Variants in ANTXR1 observed in about 807,000 individuals in gnomAD.
ANTXR1 encodes the protein anthrax toxin receptor 1.
In ANTXR1, 19 loss-of-function variants were observed where a neutral mutation model predicts 78.1. That is an observed-to-expected ratio of 0.24 (90% confidence interval 0.17 to 0.36). The LOEUF is 0.36. Ranked by LOEUF, ANTXR1 falls within the 10% of genes least tolerant of loss-of-function variation. The pLI is 1.00. For missense variants in ANTXR1, 518 were observed against 718.6 expected, an observed-to-expected ratio of 0.72 and a Z score of 3.19; for synonymous variants, 273 against 260.5, an observed-to-expected ratio of 1.05 and a Z score of -0.46.
At chr2:69,134,165 GT>G (rs1672842335) in intron 12 of ANTXR1, among the ~76,000 whole-genome samples, 1 of 152,148 alleles carries the variant, frequency 6.6e-6, no homozygotes, top group South Asian at 2.1e-4. Flanking sequence ...CGAATATTGT[GT>G]TCAGTACCAA....
chr2:69,152,226 G>T lies in ANTXR1; in HGVS notation c.1009G>T (p.Ala337Ser). 1 of 1,614,144 alleles carries T rather than the reference G, an allele frequency of 6.2e-7. No homozygotes were observed. The highest frequency in any genetic ancestry group is 8.5e-7 in the Non-Finnish European group (1 of 1,180,024). ...LLILFLLLAL[A>S]LLWWFWPLCC... ...GATCCTGTTCCTGCTCCTAGCCCTGGCTCTCCTCTGGTGGTTCTGGCCCCT... is the reference window on the plus strand; with the variant it reads ...GATCCTGTTCCTGCTCCTAGCCCTGTCTCTCCTCTGGTGGTTCTGGCCCCT... Residue 337 changes from alanine to serine, a missense_variant, in exon 13 of 18, where the codon GCT (alanine) becomes TCT (serine). Ala to Ser is a moderately conservative substitution (Grantham distance 99). Coordinates refer to ENST00000303714, the MANE Select transcript of ANTXR1 (RefSeq NM_032208.3).
At chr2:69,115,309 A>C (rs1352874684) in intron 10 of ANTXR1, among the ~76,000 whole-genome samples, 1 of 152,224 alleles carries the variant, frequency 6.6e-6, no homozygotes, top group Non-Finnish European at 1.5e-5. Context: ...GATACAACCT[A>C]ACAGACAGGT....
At chr2:69,239,395 C>A (rs1675845265) in intron 17 of ANTXR1, among the ~76,000 whole-genome samples, 1 of 152,084 alleles carries the variant, frequency 6.6e-6, no homozygotes, top group African/African-American at 2.4e-5. Flanking sequence ...ATAGCGAAAC[C>A]CCGTCTCTAC....
chr2:69,235,651 CAAAAAAAAAA>C (rs554310438), intron 17 of ANTXR1, among the ~76,000 whole-genome samples: 1 of 58,226 alleles, frequency 1.7e-5, no homozygotes, highest in East Asian at 5.8e-4. Context: ...AACCCCGTCT[CAAAAAAAAAA>C]AAAAAAAAAA....
chr2:69,193,265 C>A, intron 16 of ANTXR1, 70 bp from the exon 17 acceptor site: 1 of 1,373,934 alleles, frequency 7.3e-7, no homozygotes, highest in Non-Finnish European at 1.0e-6. Context: ...ACGGAAAGTT[C>A]TGTGAGCCTA....
At chr2:69,084,900 T>C (rs1307135329) in intron 8 of ANTXR1, among the ~76,000 whole-genome samples, 1 of 146,152 alleles carries the variant, frequency 6.8e-6, no homozygotes, top group Non-Finnish European at 1.5e-5. Context: ...TTGCCCAGGC[T>C]GGAGTGCAGT....
intron 8 of ANTXR1, among the ~76,000 whole-genome samples, chr2:69,078,018 C>T (rs1670792910): frequency 6.6e-6 from 1 of 152,178 alleles, no homozygotes; most frequent in Non-Finnish European, 1.5e-5. Flanking sequence ...TGTTGAGACC[C>T]ACTGCTTTCG....
chr2:69,032,695 C>T (rs1354896138), intron 1 of ANTXR1, among the ~76,000 whole-genome samples: 5 of 152,254 alleles, frequency 3.3e-5, no homozygotes, highest in Admixed American at 1.3e-4. Context: ...GTTGAATCTG[C>T]ACCAAAAGTA....
At chr2:69,241,345 T>A (rs1180164630) in intron 17 of ANTXR1, among the ~76,000 whole-genome samples, 1 of 152,238 alleles carries the variant, frequency 6.6e-6, no homozygotes, top group Non-Finnish European at 1.5e-5. Context: ...TTATATGGTC[T>A]AAATGTTACC....
At chr2:69,025,883 A>G (rs1029269409) in intron 1 of ANTXR1, among the ~76,000 whole-genome samples, 2 of 152,224 alleles carry the variant, frequency 1.3e-5, no homozygotes, top group Non-Finnish European at 2.9e-5. Flanking sequence ...TTTAAATTAT[A>G]TGGTCATCCT....
chr2:69,059,544 T>C (rs1257378177), intron 3 of ANTXR1, among the ~76,000 whole-genome samples: 1 of 152,040 alleles, frequency 6.6e-6, no homozygotes, highest in African/African-American at 2.4e-5. Context: ...AATGGCACGA[T>C]CTTGGCTCAC....
At chr2:69,188,818 CT>C (rs1214015460) in intron 16 of ANTXR1, among the ~76,000 whole-genome samples, 1 of 152,194 alleles carries the variant, frequency 6.6e-6, no homozygotes, top group Non-Finnish European at 1.5e-5. Context: ...TCCTCTAAGA[CT>C]TTAGGTGAAG....
intron 1 of ANTXR1, among the ~76,000 whole-genome samples, chr2:69,027,621 AGTGTGTGTGTGTGTGTGTAT>A (rs1303317825): frequency 4.8e-5 from 7 of 146,858 alleles, no homozygotes; most frequent in African/African-American, 1.8e-4. Flanking sequence ...AGATGATGCA[AGTGTGTGTGTGTGTGTGTAT>A]GTGTGTGTGT....
intron 10 of ANTXR1, among the ~76,000 whole-genome samples, chr2:69,113,933 G>T (rs1672065304): frequency 6.6e-6 from 1 of 152,196 alleles, no homozygotes; most frequent in Admixed American, 6.5e-5. Context: ...AAGATAATTT[G>T]TAAGTTCTAT....
chr2:69,105,539 A>T (rs1671780620), intron 10 of ANTXR1, among the ~76,000 whole-genome samples: 1 of 152,214 alleles, frequency 6.6e-6, no homozygotes, highest in Admixed American at 6.5e-5. Flanking sequence ...GAACCTGTGG[A>T]GGTAGAAAAG....
intron 3 of ANTXR1, among the ~76,000 whole-genome samples, chr2:69,064,073 T>A (rs545178979): frequency 1.3e-5 from 2 of 151,926 alleles, no homozygotes; most frequent in Non-Finnish European, 2.9e-5. Context: ...ACCCAACCAC[T>A]CCAAGACTTA....
intron 9 of ANTXR1, among the ~76,000 whole-genome samples, chr2:69,098,081 AG>A (rs1229202550): frequency 8.5e-5 from 13 of 152,160 alleles, no homozygotes; most frequent in Non-Finnish European, 1.8e-4. Flanking sequence ...GTTGTGTGGG[AG>A]TGGAGGTAGG....
In ANTXR1 at chr2:69,124,697, A is replaced by G. The variant is rs1320751158; in HGVS notation, c.951+54A>G. ...GATCTCATTATCATTGTCACTATCAACGTTTCTTAAGCAGTAATCTTCTCC... is the reference window on the plus strand; with the variant it reads ...GATCTCATTATCATTGTCACTATCAGCGTTTCTTAAGCAGTAATCTTCTCC... On this transcript the variant is annotated intron_variant, in intron 12 of 17. Transcript: ENST00000303714. The G allele has an allele frequency of 6.9e-6, 11 of 1,587,670 alleles. No homozygotes were observed. In the African/African-American group the frequency reaches 8.1e-5, roughly 12 times the overall value.
At chr2:69,021,847 C>T (rs1413208589) in intron 1 of ANTXR1, among the ~76,000 whole-genome samples, 3 of 152,132 alleles carry the variant, frequency 2.0e-5, no homozygotes, top group Admixed American at 6.5e-5. Flanking sequence ...CAGTTTTGAG[C>T]CAAGTCTTGG....
Sources: allele counts gnomAD v4.1 joint callset (sites outside exome capture counted in the v4.1 genomes callset), GRCh38; gene constraint gnomAD v4.1.1; transcripts MANE v1.5; gene names NCBI Gene and HGNC (gene_info 2026-07-23, HGNC 2026-07-21).